KAT6B: variants seen among roughly 807,000 people sequenced by gnomAD.
KAT6B encodes lysine acetyltransferase 6B, also known as histone acetyltransferase KAT6B.
A neutral mutation model predicts 187.5 loss-of-function variants in KAT6B; 10 were observed. That is an observed-to-expected ratio of 0.05 (90% CI 0.03 to 0.09). KAT6B has a LOEUF of 0.09. Among genes scored for constraint, KAT6B ranks in the 10% least tolerant of loss-of-function variants. The probability of loss-of-function intolerance (pLI) is 1.00; values close to 1 mark genes in which losing one functional copy is unlikely to be tolerated. For missense variants in KAT6B, 1,952 were observed against 2,558.9 expected (o/e 0.76, Z 5.12); for synonymous variants, 861 against 926.8 (o/e 0.93, Z 1.29).
upstream of KAT6B, among the ~76,000 whole-genome samples, chr10:74,826,126 T>C (rs1840190871): frequency 7.6e-6 from 1 of 131,440 alleles, no homozygotes; most frequent in Admixed American, 8.1e-5. Context: ...AGCTGCGGGC[T>C]AGGGGGTTTG....
chr10:74,906,847 C>G (rs908302964), intron 3 of KAT6B, among the ~76,000 whole-genome samples: 2 of 152,194 alleles, frequency 1.3e-5, no homozygotes, highest in African/African-American at 4.8e-5. Context: ...GCGTCCGCCT[C>G]TGGAGTGCCC....
At position 75,032,416 on chromosome 10, in the gene KAT6B, T is replaced by C. The variant is rs766952816; in HGVS notation, c.*1370T>C. The stretch of plus-strand genomic sequence containing the variant: ...AATTATTTAGTGTAAATTGGAGTTA[T>C]GGGATTTTCTGATTTGTTTTGACTT... On this transcript the variant is annotated 3_prime_UTR_variant, in exon 18 of 18. Coordinates refer to ENST00000287239, the MANE Select transcript of KAT6B (RefSeq NM_012330.4). The C allele has an allele frequency of 2.1e-5, 4 of 189,652 alleles. No homozygotes were observed. Among genetic ancestry groups the C allele is most frequent in the East Asian group, 8.4e-5 (1 of 11,910 alleles). The allele number at this position is 189,652 out of a possible 1,614,324, so 11.7% of individuals were successfully genotyped here. A position where few individuals can be genotyped will look rare whatever the true frequency, so the allele number is the denominator to read the frequency against.
At chr10:74,936,750 T>G (rs1229744409) in intron 3 of KAT6B, among the ~76,000 whole-genome samples, 1 of 152,204 alleles carries the variant, frequency 6.6e-6, no homozygotes, top group Non-Finnish European at 1.5e-5. Context: ...CTACTGTATC[T>G]TAGAGGTTGC....
intron 3 of KAT6B, among the ~76,000 whole-genome samples, chr10:74,867,155 G>T (rs1843611040): frequency 6.6e-6 from 1 of 152,156 alleles, no homozygotes. Context: ...AGATATTGCA[G>T]TCTAAATTAT....
At chr10:74,860,148 GGTT>G (rs1258031687) in intron 3 of KAT6B, among the ~76,000 whole-genome samples, 2 of 152,010 alleles carry the variant, frequency 1.3e-5, no homozygotes, top group African/African-American at 4.8e-5. Flanking sequence ...CTGGTTTGTA[GGTT>G]GTTTTTTATT....
chr10:74,864,481 G>T (rs1843416445), intron 3 of KAT6B, among the ~76,000 whole-genome samples: 1 of 151,878 alleles, frequency 6.6e-6, no homozygotes, highest in South Asian at 2.1e-4. Flanking sequence ...CCTCAAGTCT[G>T]TATAAAAAAG....
rs1846070449 is a variant in KAT6B, at chr10:75,028,754, G to C, written c.3930G>C (p.Glu1310Asp). ...CCAGTCCCATCAGGATTGAGGAGGA[G>C]GTCAAGGAAACTGGGGAAGCCCTGT... ...TSPSPIRIEE[E>D]VKETGEALLP... The change falls in exon 18 of 18, where the codon GAG becomes GAC. Residue 1310 changes from glutamate (E) to aspartate (D), a missense_variant. Glu to Asp is a conservative substitution (Grantham distance 45). Around this residue, in one of 9 missense-constraint regions of KAT6B, gnomAD observed 758 missense variants for 891.4 expected, o/e 0.85. Coordinates refer to ENST00000287239, the MANE Select transcript of KAT6B (RefSeq NM_012330.4). 1 of 1,613,952 alleles carries C rather than the reference G, an allele frequency of 6.2e-7. No homozygotes were observed. The highest frequency in any genetic ancestry group is 1.3e-5 in the African/African-American group (1 of 74,908).
intron 3 of KAT6B, among the ~76,000 whole-genome samples, chr10:74,927,407 C>A (rs891372940): frequency 8.0e-5 from 12 of 150,032 alleles, no homozygotes; most frequent in African/African-American, 3.0e-4. Flanking sequence ...ATCGGCCCAG[C>A]AGGAGGTGCC....
intron 3 of KAT6B, among the ~76,000 whole-genome samples, chr10:74,863,671 A>G (rs1490993157): frequency 6.6e-6 from 1 of 152,208 alleles, no homozygotes. Flanking sequence ...CTTAGGAGTT[A>G]CTTTGCATTT....
intron 8 of KAT6B, 65 bp downstream of exon 8, chr10:74,976,395 A>C: frequency 2.3e-6 from 3 of 1,324,564 alleles, no homozygotes; most frequent in Non-Finnish European, 3.2e-6. Context: ...ACCCTGAAAA[A>C]AATCAACCAA....
chr10:74,963,660 G>A (rs1841259023), intron 4 of KAT6B, among the ~76,000 whole-genome samples: 1 of 152,202 alleles, frequency 6.6e-6, no homozygotes, highest in African/African-American at 2.4e-5. Flanking sequence ...GGTAGGGGCA[G>A]TGTGTGGATA....
chr10:74,872,687 T>TC (rs1180843576), intron 3 of KAT6B, among the ~76,000 whole-genome samples: 1 of 151,720 alleles, frequency 6.6e-6, no homozygotes, highest in Non-Finnish European at 1.5e-5. Flanking sequence ...TAATTAATTT[T>TC]TTTTTTTTTT....
Position 75,029,447 on chromosome 10 carries a change from T to C in KAT6B, c.4623T>C (p.Thr1541=), listed in dbSNP as rs779236437. ...CAACCATGGAAATCGACTCTGAGACTGTCCAGGCCGTTCAGTCTTTGACCC... is the reference window on the plus strand; with the variant it reads ...CAACCATGGAAATCGACTCTGAGACCGTCCAGGCCGTTCAGTCTTTGACCC... The part of the protein sequence containing the change: ...NPATMEIDSE[T]VQAVQSLTQE... The change falls in exon 18 of 18, where the codon ACT becomes ACC. Residue 1541 remains threonine (T), a synonymous_variant. Transcript: ENST00000287239. This position sits in a 1 kb window ranked among gnomAD's most constrained non-coding sequence, Gnocchi z 6.2. The C allele has an allele frequency of 8.1e-6, 13 of 1,614,136 alleles. No homozygotes were observed. Among genetic ancestry groups the C allele is most frequent in the East Asian group, 4.5e-5 (2 of 44,882 alleles).
At chr10:74,989,214 A>G in intron 13 of KAT6B, 102 bp downstream of exon 13, 13 of 827,092 alleles carry the variant, frequency 1.6e-5, no homozygotes, top group Non-Finnish European at 2.3e-5. Context: ...TGTTGTTTTT[A>G]TCAATAGATA....
intron 3 of KAT6B, among the ~76,000 whole-genome samples, chr10:74,880,762 C>T (rs774827498): frequency 1.3e-5 from 2 of 151,946 alleles, no homozygotes; most frequent in Non-Finnish European, 2.9e-5. Context: ...ATTACAGGCG[C>T]ACGCCACCAT....
chr10:75,000,787 A>G (rs1005221529), intron 13 of KAT6B, among the ~76,000 whole-genome samples: 4 of 152,190 alleles, frequency 2.6e-5, no homozygotes, highest in South Asian at 4.1e-4. Context: ...GGCTGTAACT[A>G]TAGGAAGCAG....
intron 13 of KAT6B, among the ~76,000 whole-genome samples, chr10:74,992,802 C>T (rs571688475): frequency 4.6e-5 from 7 of 152,238 alleles, no homozygotes; most frequent in African/African-American, 1.7e-4. Flanking sequence ...CAGAGCAAGG[C>T]TCCCCAGGAG....
At chr10:74,963,055 A>G (rs1035508411) in intron 4 of KAT6B, among the ~76,000 whole-genome samples, 1 of 152,160 alleles carries the variant, frequency 6.6e-6, no homozygotes, top group Non-Finnish European at 1.5e-5. Flanking sequence ...CCACAGAGCT[A>G]TTGTGGGATC....
At chr10:74,857,972 A>G (rs1039103815) in intron 3 of KAT6B, among the ~76,000 whole-genome samples, 2 of 152,172 alleles carry the variant, frequency 1.3e-5, no homozygotes, top group African/African-American at 4.8e-5. Flanking sequence ...TAAGTGAGCT[A>G]TGATCGTGCC....
Sources: gnomAD v4.1 joint callset for allele counts (sites outside exome capture counted in the v4.1 genomes callset) on GRCh38, gnomAD v4.1.1 for gene constraint, gnomAD v4.1.1 regional missense constraint, Gnocchi (gnomAD v3.1) non-coding constraint, MANE v1.5 for transcripts, NCBI Gene and HGNC (gene_info 2026-07-23, HGNC 2026-07-21) for gene names.